KLF8: variants seen among roughly 807,000 people sequenced by gnomAD.
KLF8 encodes Krueppel-like factor 8.
Under a neutral mutation model 18.2 loss-of-function variants are expected in KLF8, and 10 were observed. The observed-to-expected ratio is 0.55, with a 90% CI of 0.34 to 0.93. The LOEUF (loss-of-function observed/expected upper bound fraction) is 0.93. Ranked by LOEUF, KLF8 falls within the 40% of genes least tolerant of loss-of-function variation. KLF8 has a pLI of 0.02. For synonymous variants in KLF8, 109 were observed against 97.3 expected (o/e 1.12, Z -0.71); for missense variants, 264 against 277.9 (o/e 0.95, Z 0.36).
the KLF8 span, among the ~76,000 whole-genome samples, chrX:56,178,114 C>A: frequency 8.9e-6 from 1 of 111,819 alleles, no homozygotes; most frequent in African/African-American, 3.3e-5. Context: ...TGTCCTGCAC[C>A]CACTTTCTGA....
At chrX:56,158,340 T>C in the KLF8 span, among the ~76,000 whole-genome samples, 4 of 112,054 alleles carry the variant, frequency 3.6e-5, no homozygotes, top group South Asian at 1.1e-3. Context: ...TCCAGCTTTG[T>C]TCTTTTGGCT....
the KLF8 span, among the ~76,000 whole-genome samples, chrX:56,055,728 A>G: frequency 9.0e-6 from 1 of 111,627 alleles, no homozygotes; most frequent in Non-Finnish European, 1.9e-5. Context: ...GTCTCTTTAC[A>G]CAATCCCATA....
At chrX:55,989,435 G>C in the KLF8 span, among the ~76,000 whole-genome samples, 2 of 112,274 alleles carry the variant, frequency 1.8e-5, no homozygotes, top group Admixed American at 1.9e-4. Flanking sequence ...TCTGTCAAAG[G>C]CCTTTTCTGC....
the KLF8 span, among the ~76,000 whole-genome samples, chrX:55,946,806 C>G: frequency 9.0e-6 from 1 of 110,837 alleles, no homozygotes; most frequent in Non-Finnish European, 1.9e-5. Flanking sequence ...AACAAACAAC[C>G]CCATCAAAAA....
At chrX:56,035,955 G>T in the KLF8 span, among the ~76,000 whole-genome samples, 4 of 111,651 alleles carry the variant, frequency 3.6e-5, no homozygotes, top group Non-Finnish European at 5.7e-5. Context: ...TTCATTTGCT[G>T]TGCAAAAATC....
the KLF8 span, among the ~76,000 whole-genome samples, chrX:56,054,348 A>G: frequency 9.0e-6 from 1 of 111,407 alleles, no homozygotes; most frequent in East Asian, 2.8e-4. Context: ...CATTTACCCA[A>G]ACATCATTCA....
At chrX:56,174,171 G>A in the KLF8 span, among the ~76,000 whole-genome samples, 1 of 111,778 alleles carries the variant, frequency 8.9e-6, no homozygotes, top group Non-Finnish European at 1.9e-5. Flanking sequence ...CCTGTCTTGT[G>A]TGAGTTTTCA....
the KLF8 span, among the ~76,000 whole-genome samples, chrX:55,995,213 A>C: frequency 8.9e-6 from 1 of 112,053 alleles, no homozygotes; most frequent in African/African-American, 3.2e-5. Context: ...TTGAAATAAG[A>C]ATAGCAATTT....
At chrX:56,018,754 A>G in the KLF8 span, among the ~76,000 whole-genome samples, 4 of 111,300 alleles carry the variant, frequency 3.6e-5, no homozygotes, top group Non-Finnish European at 7.5e-5. Flanking sequence ...AAATATTAGC[A>G]ATTCTATATG....
the KLF8 span, among the ~76,000 whole-genome samples, chrX:56,136,617 A>G: frequency 2.4e-3 from 271 of 111,699 alleles, 1 homozygote; most frequent in African/African-American, 8.5e-3. Context: ...GATGGATTAA[A>G]GACTTAAACG....
chrX:56,044,024 T>C, the KLF8 span, among the ~76,000 whole-genome samples: 3 of 106,908 alleles, frequency 2.8e-5, no homozygotes, highest in Non-Finnish European at 5.6e-5. Flanking sequence ...GTTTTCTGTT[T>C]GTAATTTTTT....
chrX:56,018,094 T>C, the KLF8 span, among the ~76,000 whole-genome samples: 6 of 111,740 alleles, frequency 5.4e-5, no homozygotes, highest in South Asian at 1.1e-3. Context: ...TTGTTAACTA[T>C]AGTGGCCCTA....
chrX:56,273,300 G>A (rs1411354944), intron 5 of KLF8, among the ~76,000 whole-genome samples: 1 of 111,140 alleles, frequency 9.0e-6, no homozygotes, highest in African/African-American at 3.3e-5. Flanking sequence ...CCTCAAGCAT[G>A]GGGCATCCTT....
At chrX:55,961,697 A>C in the KLF8 span, 1 of 394,615 alleles carries the variant, frequency 2.5e-6, no homozygotes. Context: ...TCACACACCC[A>C]TCTTCAGGGA....
chrX:56,011,398 A>C, the KLF8 span, among the ~76,000 whole-genome samples: 5 of 112,307 alleles, frequency 4.5e-5, no homozygotes, highest in East Asian at 1.1e-3. Context: ...ATTAAGGTAG[A>C]AAAGAAGAAG....
chrX:56,216,219 C>T, the KLF8 span, among the ~76,000 whole-genome samples: 1 of 110,428 alleles, frequency 9.1e-6, no homozygotes, highest in Non-Finnish European at 1.9e-5. Context: ...GCACCAGCCT[C>T]CTAATTGGTC....
At chrX:56,109,660 C>A in the KLF8 span, among the ~76,000 whole-genome samples, 12 of 111,506 alleles carry the variant, frequency 1.1e-4, no homozygotes, top group Non-Finnish European at 2.3e-4. Flanking sequence ...AATTTTGATT[C>A]TGTTGCTTTG....
At chrX:56,081,893 C>T in the KLF8 span, among the ~76,000 whole-genome samples, 4 of 111,768 alleles carry the variant, frequency 3.6e-5, no homozygotes, top group East Asian at 2.8e-4. Context: ...CATCAACATT[C>T]ATAGTGGATA....
chrX:56,163,968 T>C, the KLF8 span, among the ~76,000 whole-genome samples: 1 of 112,068 alleles, frequency 8.9e-6, no homozygotes, highest in Non-Finnish European at 1.9e-5. Flanking sequence ...TCTCTGTCTT[T>C]GTACCAGTAC....
Sources: allele counts gnomAD v4.1 joint callset (sites outside exome capture counted in the v4.1 genomes callset), GRCh38; gene constraint gnomAD v4.1.1; transcripts MANE v1.5; gene names NCBI Gene and HGNC (gene_info 2026-07-23, HGNC 2026-07-21).